NCAM1: variants seen among roughly 807,000 people sequenced by gnomAD.
NCAM1 encodes neural cell adhesion molecule 1.
A neutral mutation model predicts 109.8 loss-of-function variants in NCAM1; 14 were observed. That is an observed-to-expected ratio of 0.13 (90% CI 0.08 to 0.20). The LOEUF (loss-of-function observed/expected upper bound fraction) is 0.20, where lower values mean the gene tolerates loss of function less well. Ranked by LOEUF, NCAM1 falls within the 10% of genes least tolerant of loss-of-function variation. NCAM1 has a pLI of 1.00. For missense variants in NCAM1, 774 were observed against 1,109.9 expected (o/e 0.70, Z 4.30); for synonymous variants, 418 against 442.9 (o/e 0.94, Z 0.70).
chr11:112,981,690 T>C (rs567554818), intron 1 of NCAM1, among the ~76,000 whole-genome samples: 1 of 151,986 alleles, frequency 6.6e-6, no homozygotes, highest in South Asian at 2.1e-4. Context: ...ATTCCCACAA[T>C]CACTTAGAGT....
intron 1 of NCAM1, among the ~76,000 whole-genome samples, chr11:113,191,576 G>T (rs1943674608): frequency 6.6e-6 from 1 of 152,188 alleles, no homozygotes; most frequent in Non-Finnish European, 1.5e-5. Context: ...CCTTGGGCTG[G>T]TTATTTAACC....
At chr11:113,049,288 G>A (rs1953381242) in intron 1 of NCAM1, among the ~76,000 whole-genome samples, 1 of 152,016 alleles carries the variant, frequency 6.6e-6, no homozygotes, top group Non-Finnish European at 1.5e-5. Flanking sequence ...CAACTCCCTG[G>A]CCTTCACTCC....
chr11:113,231,336 C>G, intron 9 of NCAM1: 1 of 1,518,434 alleles, frequency 6.6e-7, no homozygotes, highest in South Asian at 1.2e-5. Context: ...CCATTTTAGA[C>G]ATCCCAAACA....
chr11:113,167,874 G>A lies in NCAM1; in HGVS notation c.53-34505G>A, dbSNP rs549892925. ...TAGCAAGCGAGATGGCGGTTGGGCA[G>A]GGTGTATTACTGTTGTTGTTGTTTT... is the stretch of plus-strand genomic sequence containing the variant. On this transcript the variant is annotated intron_variant, in intron 1 of 19. Transcript: ENST00000316851. Among the ~76,000 whole-genome samples the A allele has an allele frequency of 2.7e-3, 411 of 152,262 alleles. 3 individuals are homozygous for A. Among genetic ancestry groups the A allele is most frequent in the Middle Eastern group, 6.8e-3 (2 of 294 alleles).
At chr11:113,038,895 G>T (rs782156880) in intron 1 of NCAM1, among the ~76,000 whole-genome samples, 1 of 152,158 alleles carries the variant, frequency 6.6e-6, no homozygotes, top group Non-Finnish European at 1.5e-5. Context: ...TGGGAGAAAC[G>T]AGTGTTGGTG....
chr11:113,085,342 T>C (rs1939030916), intron 1 of NCAM1, among the ~76,000 whole-genome samples: 1 of 152,224 alleles, frequency 6.6e-6, no homozygotes, highest in Non-Finnish European at 1.5e-5. Context: ...TTATGAGCCT[T>C]GCTCAGATGA....
intron 1 of NCAM1, among the ~76,000 whole-genome samples, chr11:113,170,990 A>AG (rs1942970598): frequency 6.6e-6 from 1 of 152,200 alleles, no homozygotes; most frequent in Admixed American, 6.5e-5. Flanking sequence ...CTTGATCTTT[A>AG]GGGGTCTTGC....
At chr11:113,208,064 G>A in intron 7 of NCAM1, 62 bp downstream of exon 7, 1 of 1,527,308 alleles carries the variant, frequency 6.5e-7, no homozygotes, top group Non-Finnish European at 8.9e-7. Flanking sequence ...TGCACATTCA[G>A]TCCATCAGTA....
At chr11:113,055,572 T>C (rs1953667986) in intron 1 of NCAM1, among the ~76,000 whole-genome samples, 2 of 152,184 alleles carry the variant, frequency 1.3e-5, no homozygotes, top group African/African-American at 2.4e-5. Flanking sequence ...CTCAACCCAC[T>C]CCTTGCTATT....
At chr11:113,208,024 G>T in intron 7 of NCAM1, 22 bp downstream of exon 7, 1 of 1,592,392 alleles carries the variant, frequency 6.3e-7, no homozygotes, top group Non-Finnish European at 8.6e-7. Context: ...GGGGGCCCAG[G>T]TCACTGCTCT....
At chr11:113,266,880 C>G (rs1029303651) in intron 17 of NCAM1, among the ~76,000 whole-genome samples, 1 of 152,168 alleles carries the variant, frequency 6.6e-6, no homozygotes. Context: ...GAATGTATGA[C>G]TTGGAATGAC....
intron 18 of NCAM1, 59 bp from the exon 19 acceptor site, chr11:113,271,701 C>A: frequency 7.5e-7 from 1 of 1,340,790 alleles, no homozygotes; most frequent in South Asian, 1.3e-5. Context: ...AGCTGCTCTT[C>A]CGTGGGAGCC....
At chr11:113,266,708 A>G (rs1396819568) in intron 17 of NCAM1, among the ~76,000 whole-genome samples, 1 of 152,210 alleles carries the variant, frequency 6.6e-6, no homozygotes, top group Non-Finnish European at 1.5e-5. Context: ...AGGTGGAGAT[A>G]TATTGAGTTT....
rs1251147349 is a variant in NCAM1 at position 113,142,868 on chromosome 11, A to C, written c.53-59511A>C. 2.6e-5 allele frequency among the ~76,000 whole-genome samples: 4 copies of C among 152,212 alleles called. No individual in the cohort carries two copies. In the East Asian group the frequency reaches 7.7e-4, roughly 29 times the overall value. Reference sequence around the variant, plus strand: ...AGTTTTTACTGTAAATTTTCAAACGAATTTTAAAAATCGAAAAAATAGTAC... The same window carrying C: ...AGTTTTTACTGTAAATTTTCAAACGCATTTTAAAAATCGAAAAAATAGTAC... On this transcript the variant is annotated intron_variant, in intron 1 of 19. Transcript: ENST00000316851.
chr11:113,191,548 T>C (rs58466578), intron 1 of NCAM1, among the ~76,000 whole-genome samples: 4,338 of 152,324 alleles, frequency 0.028, 194 homozygotes, highest in African/African-American at 0.098. Context: ...TTGGCTTTAC[T>C]GCTTACCAGC....
At chr11:113,132,043 G>C (rs1481487339) in intron 1 of NCAM1, among the ~76,000 whole-genome samples, 2 of 152,176 alleles carry the variant, frequency 1.3e-5, no homozygotes. Flanking sequence ...GATGAGGAGA[G>C]GGACAGAGAT....
chr11:112,988,700 TTTTC>T (rs1383699971), intron 1 of NCAM1, among the ~76,000 whole-genome samples: 2 of 152,104 alleles, frequency 1.3e-5, no homozygotes, highest in African/African-American at 4.8e-5. Flanking sequence ...GATGAGTTTC[TTTTC>T]TTTTGCTGCT....
intron 1 of NCAM1, among the ~76,000 whole-genome samples, chr11:113,100,696 G>A (rs1408156349): frequency 1.2e-4 from 18 of 152,156 alleles, no homozygotes; most frequent in African/African-American, 4.3e-4. Flanking sequence ...TCCTCTGCCA[G>A]TGGAGTTTGG....
intron 1 of NCAM1, among the ~76,000 whole-genome samples, chr11:113,195,495 A>ATTTTTT (rs561856662): frequency 7.0e-5 from 6 of 85,586 alleles, no homozygotes; most frequent in South Asian, 4.7e-4. Context: ...CCCTTAGTAG[A>ATTTTTT]TTTTTTTTTT....
Sources: gnomAD v4.1 joint callset for allele counts (sites outside exome capture counted in the v4.1 genomes callset) on GRCh38, gnomAD v4.1.1 for gene constraint, MANE v1.5 for transcripts, NCBI Gene and HGNC (gene_info 2026-07-23, HGNC 2026-07-21) for gene names.